Variants in RAC1 observed in about 807,000 individuals in gnomAD.
RAC1 encodes the protein ras-related C3 botulinum toxin substrate 1.
A neutral mutation model predicts 25.2 loss-of-function variants in RAC1; 2 were observed. That is an observed-to-expected ratio of 0.08 (90% CI 0.03 to 0.25). The LOEUF is 0.25. Among genes scored for constraint, RAC1 ranks in the 10% least tolerant of loss-of-function variants. RAC1 has a pLI of 1.00. For synonymous variants in RAC1, 88 were observed against 94.0 expected, an observed-to-expected ratio of 0.94 and a Z score of 0.37; for missense variants, 50 against 235.7, an observed-to-expected ratio of 0.21 and a Z score of 5.16.
At chr7:6,395,120 C>G (rs1392171481) in intron 3 of RAC1, among the ~76,000 whole-genome samples, 1 of 152,168 alleles carries the variant, frequency 6.6e-6, no homozygotes, top group Non-Finnish European at 1.5e-5. Context: ...TCCCCAAGTG[C>G]TGGGATTACA....
At chr7:6,381,467 AC>A (rs1782763532) in intron 1 of RAC1, among the ~76,000 whole-genome samples, 1 of 147,642 alleles carries the variant, frequency 6.8e-6, no homozygotes, top group Non-Finnish European at 1.5e-5. Flanking sequence ...AAATCAGCTC[AC>A]TGCAACCTCT....
chr7:6,401,448 C>T (rs1051094323), intron 4 of RAC1, among the ~76,000 whole-genome samples: 5 of 152,142 alleles, frequency 3.3e-5, no homozygotes, highest in Admixed American at 1.3e-4. Flanking sequence ...GAGATAATAG[C>T]GGCAGACCTG....
intron 3 of RAC1, among the ~76,000 whole-genome samples, chr7:6,396,758 C>G (rs962329375): frequency 6.6e-6 from 1 of 152,132 alleles, no homozygotes; most frequent in South Asian, 2.1e-4. Context: ...TGGCCTGGCA[C>G]GGTGGCTCAC....
chr7:6,391,143 C>G lies in RAC1; in HGVS notation c.108-781C>G, dbSNP rs551741871. On this transcript the variant is annotated intron_variant, in intron 2 of 5. Coordinates refer to ENST00000348035, the MANE Select transcript of RAC1 (RefSeq NM_006908.5). ...GAACTCTTGACCTCAGGTGATCCGCCCACCTCGGCCTCCCAAAGTGCTGGG... is the reference window on the plus strand; with the variant it reads ...GAACTCTTGACCTCAGGTGATCCGCGCACCTCGGCCTCCCAAAGTGCTGGG... Among the ~76,000 whole-genome samples, 14 of 152,264 alleles carry G rather than the reference C, an allele frequency of 9.2e-5. No homozygotes were observed. The South Asian group carries it at 2.9e-3, about 32-fold the overall frequency.
chr7:6,378,848 G>T (rs1782681560), intron 1 of RAC1, among the ~76,000 whole-genome samples: 1 of 152,134 alleles, frequency 6.6e-6, no homozygotes, highest in Non-Finnish European at 1.5e-5. Flanking sequence ...AGAACTTTGG[G>T]AGGCCAAGGC....
Position 6,390,645 on chromosome 7 carries a change from T to C in RAC1, c.108-1279T>C, listed in dbSNP as rs564164809. Among the ~76,000 whole-genome samples the C allele has an allele frequency of 2.5e-4, 38 of 152,118 alleles. No homozygotes were observed. In the East Asian group the frequency reaches 5.4e-3, roughly 22 times the overall value. On this transcript the variant is annotated intron_variant, in intron 2 of 5. Transcript: ENST00000348035. ...TGATAATACCACCTCTCCCTCAGAA[T>C]TGTATGTTGTACTTAGAAAGGCCTT... is the stretch of plus-strand genomic sequence containing the variant.
intron 1 of RAC1, 93 bp downstream of exon 1, chr7:6,374,863 C>G: frequency 1.0e-6 from 1 of 999,888 alleles, no homozygotes; most frequent in Non-Finnish European, 1.2e-6. Context: ...CCGGCGTCCG[C>G]CGCGGTCTCG....
chr7:6,380,348 T>G (rs1001346281), intron 1 of RAC1, among the ~76,000 whole-genome samples: 5 of 150,432 alleles, frequency 3.3e-5, no homozygotes, highest in Non-Finnish European at 5.9e-5. Context: ...TGTGGTTTTT[T>G]TTCTTGATAA....
chr7:6,397,455 G>A (rs1783276487), intron 3 of RAC1, among the ~76,000 whole-genome samples: 1 of 151,370 alleles, frequency 6.6e-6, no homozygotes, highest in Non-Finnish European at 1.5e-5. Flanking sequence ...CACCATGCCC[G>A]GCTAATTTTT....
chr7:6,376,082 A>G (rs1252462308), intron 1 of RAC1, among the ~76,000 whole-genome samples: 1 of 151,538 alleles, frequency 6.6e-6, no homozygotes, highest in Non-Finnish European at 1.5e-5. Context: ...CAGATGCAAG[A>G]AGGATAATTA....
At chr7:6,385,636 T>C in intron 1 of RAC1, among the ~76,000 whole-genome samples, 1 of 152,200 alleles carries the variant, frequency 6.6e-6, no homozygotes, top group East Asian at 1.9e-4. Flanking sequence ...GTCTTTGGAA[T>C]GGGGAGTTCC....
At chr7:6,381,634 G>A (rs948879104) in intron 1 of RAC1, among the ~76,000 whole-genome samples, 2 of 152,074 alleles carry the variant, frequency 1.3e-5, no homozygotes, top group Admixed American at 6.6e-5. Flanking sequence ...AGGTCAGACA[G>A]TCCGCCCACC....
In RAC1 at chr7:6,402,476, C is replaced by T. The variant is rs566950515; in HGVS notation, c.*30C>T. ...CTCAGCCCCTCGTTCTTGGTCCTGT[C>T]CCTTGGAACCTTTGTACGCTTTGCT... On this transcript the variant is annotated 3_prime_UTR_variant, in exon 6 of 6. Coordinates refer to ENST00000348035, the MANE Select transcript of RAC1 (RefSeq NM_006908.5). The T allele has an allele frequency of 7.9e-5, 88 of 1,107,884 alleles. No homozygotes were observed. The highest frequency in any genetic ancestry group is 3.2e-4 in the Admixed American group (9 of 28,106). 68.6% of individuals were successfully genotyped at this position (1,107,884 alleles called of 1,614,324 possible).
chr7:6,396,447 A>G (rs1783236544), intron 3 of RAC1, among the ~76,000 whole-genome samples: 1 of 152,160 alleles, frequency 6.6e-6, no homozygotes, highest in African/African-American at 2.4e-5. Context: ...CAAGGAAGGA[A>G]CAGGCAGATG....
intron 3 of RAC1, among the ~76,000 whole-genome samples, chr7:6,394,744 G>A (rs541569028): frequency 6.6e-6 from 1 of 152,136 alleles, no homozygotes; most frequent in African/African-American, 2.4e-5. Flanking sequence ...GCAATGGTGT[G>A]ATCTTGGCTC....
At chr7:6,393,774 C>G (rs573034645) in intron 3 of RAC1, among the ~76,000 whole-genome samples, 13 of 152,248 alleles carry the variant, frequency 8.5e-5, no homozygotes, top group Admixed American at 4.6e-4. Flanking sequence ...ACACCCTGTG[C>G]TAGCAAGGGG....
intron 1 of RAC1, among the ~76,000 whole-genome samples, chr7:6,377,580 G>A (rs547686762): frequency 6.6e-6 from 1 of 152,220 alleles, no homozygotes; most frequent in South Asian, 2.1e-4. Context: ...GTGCGACAGA[G>A]TGAGACCTTG....
intron 1 of RAC1, among the ~76,000 whole-genome samples, chr7:6,383,110 A>G (rs1782818139): frequency 6.6e-6 from 1 of 152,212 alleles, no homozygotes; most frequent in African/African-American, 2.4e-5. Context: ...TGAACTGAGC[A>G]GTTAATTATA....
intron 1 of RAC1, among the ~76,000 whole-genome samples, chr7:6,384,671 A>G (rs1041168287): frequency 3.3e-5 from 5 of 152,120 alleles, no homozygotes; most frequent in Non-Finnish European, 5.9e-5. Flanking sequence ...AGGTCTCCCT[A>G]TGTTGCCCAG....
Sources: gnomAD v4.1 joint callset for allele counts (sites outside exome capture counted in the v4.1 genomes callset) on GRCh38, gnomAD v4.1.1 for gene constraint, MANE v1.5 for transcripts, NCBI Gene and HGNC (gene_info 2026-07-23, HGNC 2026-07-21) for gene names.